The following TRAPPC10 variants were observed in gnomAD, a reference collection of about 807,000 sequenced individuals.
TRAPPC10 encodes trafficking protein particle complex subunit 10.
In TRAPPC10, 23 loss-of-function variants were observed where a neutral mutation model predicts 125.5. That is an observed-to-expected ratio of 0.18 (90% CI 0.13 to 0.26). TRAPPC10 has a LOEUF of 0.26. TRAPPC10 is among the 10% of genes least tolerant of loss of function. The pLI is 1.00. For synonymous variants in TRAPPC10, 509 were observed against 518.0 expected, an observed-to-expected ratio of 0.98 and a Z score of 0.24; for missense variants, 1,123 against 1,308.4, an observed-to-expected ratio of 0.86 and a Z score of 2.19.
intron 2 of TRAPPC10, among the ~76,000 whole-genome samples, chr21:44,035,758 CAA>C (rs1310379168): frequency 6.6e-6 from 1 of 151,952 alleles, no homozygotes; most frequent in African/African-American, 2.4e-5. Flanking sequence ...GCCTGGGTGA[CAA>C]GAGCAAAACT....
intron 13 of TRAPPC10, 73 bp downstream of exon 13, chr21:44,080,200 A>G (rs1429680348): frequency 1.6e-6 from 2 of 1,278,778 alleles, no homozygotes; most frequent in Non-Finnish European, 2.2e-6. Flanking sequence ...TACAAGATAT[A>G]CCAACCACTT....
chr21:44,027,847 A>G (rs1169143281), intron 1 of TRAPPC10, among the ~76,000 whole-genome samples: 1 of 152,144 alleles, frequency 6.6e-6, no homozygotes, highest in African/African-American at 2.4e-5. Context: ...CTTATAAAAA[A>G]GGGCCCCAGA....
intron 6 of TRAPPC10, among the ~76,000 whole-genome samples, chr21:44,062,336 C>T (rs548072647): frequency 1.3e-5 from 2 of 152,302 alleles, no homozygotes; most frequent in South Asian, 4.1e-4. Flanking sequence ...ATGATGCTTA[C>T]ATGAAGGGGA....
In TRAPPC10 at chr21:44,071,249, T is replaced by A. The variant is rs545235026; in HGVS notation, c.1039-3075T>A. 6.6e-5 allele frequency among the ~76,000 whole-genome samples: 10 copies of A among 152,320 alleles called. No individual in the cohort carries two copies. The South Asian group carries it at 1.9e-3, about 28-fold the overall frequency. The stretch of plus-strand genomic sequence containing the variant: ...GTGGATCTTGACCGGGAAAAGGGAC[T>A]TGAGAGAACCTTCTAGGATAATTTT... On this transcript the variant is annotated intron_variant, in intron 7 of 22. Transcript: ENST00000291574.
intron 4 of TRAPPC10, among the ~76,000 whole-genome samples, chr21:44,054,185 C>T (rs2035412503): frequency 6.6e-6 from 1 of 152,142 alleles, no homozygotes; most frequent in Admixed American, 6.5e-5. Flanking sequence ...CAAGTTAGTC[C>T]TCTGGGGGAC....
intron 3 of TRAPPC10, among the ~76,000 whole-genome samples, chr21:44,043,440 CTGACCTCG>C (rs1041812899): frequency 6.6e-6 from 1 of 152,082 alleles, no homozygotes; most frequent in Non-Finnish European, 1.5e-5. Flanking sequence ...TCTCAAACTC[CTGACCTCG>C]TGATCCACCC....
chr21:44,063,932 T>A lies in TRAPPC10; in HGVS notation c.1038+147T>A. On this transcript the variant is annotated intron_variant, in intron 7 of 22. Coordinates refer to ENST00000291574, the MANE Select transcript of TRAPPC10 (RefSeq NM_003274.5). The surrounding 1 kb of genome is among the most constrained non-coding windows in gnomAD (Gnocchi z 4.4). The stretch of plus-strand genomic sequence containing the variant: ...TTTAATTTTCAGTATATTGTTTGCT[T>A]AGTTACTTTTTACGTTGATAAATTG... 8.4e-7 allele frequency: 1 copy of A among 1,193,256 alleles called. No individual in the cohort carries two copies. Among genetic ancestry groups the A allele is most frequent in the Non-Finnish European group, 1.2e-6 (1 of 866,342 alleles). The allele number at this position is 1,193,256 out of a possible 1,614,324, so 73.9% of individuals were successfully genotyped here.
At chr21:44,031,732 C>T (rs888265503) in intron 1 of TRAPPC10, among the ~76,000 whole-genome samples, 2 of 152,114 alleles carry the variant, frequency 1.3e-5, no homozygotes, top group Non-Finnish European at 1.5e-5. Context: ...GGATTTTGGG[C>T]GTCTGGGAGA....
At chr21:44,045,183 T>A (rs1205184591) in intron 3 of TRAPPC10, among the ~76,000 whole-genome samples, 5 of 152,190 alleles carry the variant, frequency 3.3e-5, no homozygotes, top group African/African-American at 1.2e-4. Flanking sequence ...TCCGCCCGCC[T>A]CTGCCTCCCA....
intron 1 of TRAPPC10, among the ~76,000 whole-genome samples, chr21:44,018,097 T>C (rs2032074459): frequency 6.6e-6 from 1 of 152,048 alleles, no homozygotes; most frequent in Admixed American, 6.6e-5. Context: ...TTCTGAAGAG[T>C]TTCTAGTAAG....
rs1318065401 is a variant in TRAPPC10 at position 44,094,182 on chromosome 21, G to C, written c.3117G>C (p.Leu1039=). 1.2e-6 allele frequency: 2 copies of C among 1,614,168 alleles called. No individual in the cohort carries two copies. Among genetic ancestry groups the C allele is most frequent in the Admixed American group, 3.3e-5 (2 of 60,020 alleles). ...TTTCCCCAGCTTCTGAGGAACAGCT[G>C]TCTATCTCCTTAAAGCCGTATACTT... ...VGFSPASEEQ[L]SISLKPYTYE... Residue 1039 remains leucine, a synonymous_variant, in exon 20 of 23, where the codon CTG becomes CTC. Coordinates refer to ENST00000291574, the MANE Select transcript of TRAPPC10 (RefSeq NM_003274.5).
At chr21:44,026,030 G>T (rs977220603) in intron 1 of TRAPPC10, among the ~76,000 whole-genome samples, 2 of 152,022 alleles carry the variant, frequency 1.3e-5, no homozygotes, top group African/African-American at 4.8e-5. Flanking sequence ...CTGTGGGAGG[G>T]TTCATTTGCT....
At position 44,059,451 on chromosome 21, in the gene TRAPPC10, A is replaced by T. The variant is rs2035872609; in HGVS notation, c.790+237A>T. The T allele has an allele frequency of 1.4e-6, 1 of 720,146 alleles. No homozygotes were observed. The highest frequency in any genetic ancestry group is 2.6e-6 in the Non-Finnish European group (1 of 388,826). The allele number at this position is 720,146 out of a possible 1,614,324, so 44.6% of individuals were successfully genotyped here. On this transcript the variant is annotated intron_variant, in intron 6 of 22. Transcript: ENST00000291574. This position sits in a 1 kb window ranked among gnomAD's most constrained non-coding sequence, Gnocchi z 4.4. Reference sequence around the variant, plus strand: ...TAACAAAAATAATAATAATTTAAAAAAACTGTTTTCCAGGTATAAAATGTC... The same window carrying T: ...TAACAAAAATAATAATAATTTAAAATAACTGTTTTCCAGGTATAAAATGTC...
chr21:44,015,707 C>T (rs1163021261), intron 1 of TRAPPC10, among the ~76,000 whole-genome samples: 4 of 151,928 alleles, frequency 2.6e-5, no homozygotes, highest in African/African-American at 4.8e-5. Flanking sequence ...TTCTGCCTCC[C>T]GGGTTCAGTC....
At chr21:44,047,529 A>AGTGTGTGTGTGTGTGTGTGTGTGT (rs775813570) in intron 3 of TRAPPC10, among the ~76,000 whole-genome samples, 3 of 104,472 alleles carry the variant, frequency 2.9e-5, no homozygotes, top group South Asian at 3.7e-4. Flanking sequence ...TCTCTGGGGG[A>AGTGTGTGTGTGTGTGTGTGTGTGT]GTATGTGTGT....
At chr21:44,015,805 A>G (rs2031771889) in intron 1 of TRAPPC10, among the ~76,000 whole-genome samples, 2 of 151,992 alleles carry the variant, frequency 1.3e-5, no homozygotes, top group South Asian at 2.1e-4. Flanking sequence ...ATAGAGACAC[A>G]GTTTCACCTT....
intron 1 of TRAPPC10, among the ~76,000 whole-genome samples, chr21:44,022,652 T>A (rs1423020262): frequency 6.6e-6 from 1 of 152,022 alleles, no homozygotes; most frequent in African/African-American, 2.4e-5. Flanking sequence ...AGTGTTTAAG[T>A]TTCCAGTGTG....
chr21:44,043,544 T>C (rs1004298288), intron 3 of TRAPPC10, among the ~76,000 whole-genome samples: 1 of 152,182 alleles, frequency 6.6e-6, no homozygotes, highest in African/African-American at 2.4e-5. Flanking sequence ...TCAATATCTT[T>C]CTTTTAAAAT....
intron 1 of TRAPPC10, among the ~76,000 whole-genome samples, chr21:44,024,929 A>T (rs2032904888): frequency 6.6e-6 from 1 of 152,142 alleles, no homozygotes; most frequent in African/African-American, 2.4e-5. Flanking sequence ...CTTAGCTTAG[A>T]CATTGCCAGC....
Sources: allele counts gnomAD v4.1 joint callset (sites outside exome capture counted in the v4.1 genomes callset), GRCh38; gene constraint gnomAD v4.1.1; non-coding constraint Gnocchi (gnomAD v3.1); transcripts MANE v1.5; gene names NCBI Gene and HGNC (gene_info 2026-07-23, HGNC 2026-07-21).